The following BORCS5 variants were observed in gnomAD, a reference collection of about 807,000 sequenced individuals.
The protein encoded by BORCS5 is BLOC-1-related complex subunit 5.
Under a neutral mutation model 22.1 loss-of-function variants are expected in BORCS5, and 17 were observed. The ratio of observed to expected loss-of-function variants is 0.77; its 90% CI spans 0.53 to 1.15. The LOEUF (loss-of-function observed/expected upper bound fraction) is 1.15. Among genes scored for constraint, BORCS5 ranks in the 50% most tolerant of loss-of-function variants. The pLI, the probability that BORCS5 is intolerant of heterozygous loss-of-function variation, is 0.00. For synonymous variants in BORCS5, 117 were observed against 99.8 expected (o/e 1.17, Z -1.03); for missense variants, 247 against 253.2 (o/e 0.98, Z 0.17).
chr12:12,420,380 G>C (rs1212344789), intron 2 of BORCS5, among the ~76,000 whole-genome samples: 1 of 152,052 alleles, frequency 6.6e-6, no homozygotes, highest in Non-Finnish European at 1.5e-5. Flanking sequence ...ATTTCTGAGG[G>C]CTCTGTTCTG....
At position 12,394,937 on chromosome 12, in the gene BORCS5, A is replaced by G. The variant is rs531451372; in HGVS notation, c.202+33588A>G. On this transcript the variant is annotated intron_variant, in intron 2 of 3. Coordinates refer to ENST00000314565, the MANE Select transcript of BORCS5 (RefSeq NM_058169.6). ...TACAGAGAGGTTAGACAACTTGCTC[A>G]TCTTCCAAAAAGATTTAAACTCAGG... Among the ~76,000 whole-genome samples the G allele has an allele frequency of 2.0e-5, 3 of 152,234 alleles. No individual in the cohort carries two copies. The East Asian group carries it at 5.8e-4, about 29-fold the overall frequency.
At chr12:12,448,238 G>C (rs1379624593) in intron 3 of BORCS5, among the ~76,000 whole-genome samples, 2 of 152,004 alleles carry the variant, frequency 1.3e-5, no homozygotes, top group Non-Finnish European at 2.9e-5. Flanking sequence ...TTTTGAGATG[G>C]AGTTTTGCTC....
At chr12:12,413,470 A>G (rs1353538669) in intron 2 of BORCS5, among the ~76,000 whole-genome samples, 9 of 149,960 alleles carry the variant, frequency 6.0e-5, no homozygotes, top group Non-Finnish European at 1.3e-4. Context: ...AAAGTCTCCC[A>G]TGTCTACCTC....
rs926893487 is a variant in BORCS5 at position 12,373,981 on chromosome 12, C to CTTTTTTT, written c.202+12650_202+12656dup. Among the ~76,000 whole-genome samples, 58 of 89,786 alleles carry CTTTTTTT rather than the reference C, an allele frequency of 6.5e-4. 3 individuals are homozygous for CTTTTTTT. Among genetic ancestry groups the CTTTTTTT allele is most frequent in the African/African-American group, 2.2e-3 (45 of 20,154 alleles). The allele number at this position is 89,786 out of a possible 152,430, so 58.9% of individuals were successfully genotyped here. ...AGAAGGCAGGGTTGCAGAGAGTATT[C>CTTTTTTT]TTTTTTTTTTTTTTTTTTTTTTTTG... On this transcript the variant is annotated intron_variant, in intron 2 of 3. Coordinates refer to ENST00000314565, the MANE Select transcript of BORCS5 (RefSeq NM_058169.6).
rs1268766006 is a variant in BORCS5, at chr12:12,470,134, G to A, written c.*4358G>A. Among the ~76,000 whole-genome samples, 1 of 152,108 alleles carries A rather than the reference G, an allele frequency of 6.6e-6. No homozygotes were observed. Among genetic ancestry groups the A allele is most frequent in the African/African-American group, 2.4e-5 (1 of 41,414 alleles). ...TGCCCAGGCTGGAGTGCAGTGGCAC[G>A]ATCTCGGCTCACTGCAACCTCCGCC... On this transcript the variant is annotated 3_prime_UTR_variant, in exon 4 of 4. Coordinates refer to ENST00000314565, the MANE Select transcript of BORCS5 (RefSeq NM_058169.6).
chr12:12,373,927 T>A (rs1007509681), intron 2 of BORCS5, among the ~76,000 whole-genome samples: 3 of 151,294 alleles, frequency 2.0e-5, no homozygotes, highest in Non-Finnish European at 2.9e-5. Flanking sequence ...AGCTGAGCTT[T>A]GAGGGATGAA....
rs756685157 is a variant in BORCS5, at chr12:12,465,664, A to C, written c.479A>C (p.Gln160Pro). 1 of 1,614,280 alleles carries C rather than the reference A, an allele frequency of 6.2e-7. No individual in the cohort carries two copies. Among genetic ancestry groups the C allele is most frequent in the South Asian group, 1.1e-5 (1 of 91,090 alleles). ...ATGTCCGCCATCCTCCGCCGCATAC[A>C]GATGGGCATCGACCAGACTGTGCCC... The part of the protein sequence containing the change: ...NEMSAILRRI[Q>P]MGIDQTVPLL... The change falls in exon 4 of 4, where the codon CAG becomes CCG. Residue 160 changes from glutamine (Q) to proline (P), a missense_variant. Transcript: ENST00000314565.
intron 3 of BORCS5, among the ~76,000 whole-genome samples, chr12:12,464,719 T>C (rs185176151): frequency 2.6e-5 from 4 of 152,118 alleles, no homozygotes; most frequent in African/African-American, 9.6e-5. Context: ...AGAGCCTCTG[T>C]AAGGGGAAGA....
At position 12,404,409 on chromosome 12, in the gene BORCS5, A is replaced by G. The variant is rs1333547792; in HGVS notation, c.203-31219A>G. Among the ~76,000 whole-genome samples the G allele has an allele frequency of 3.3e-5, 5 of 152,098 alleles. No homozygotes were observed. The East Asian group carries it at 9.6e-4, about 29-fold the overall frequency. ...GCTGCGTCTTCTAGAGTGGATGAAC[A>G]CTCTGCCCTCAACTGGCAGAAGGAG... On this transcript the variant is annotated intron_variant, in intron 2 of 3. Coordinates refer to ENST00000314565, the MANE Select transcript of BORCS5 (RefSeq NM_058169.6).
intron 2 of BORCS5, among the ~76,000 whole-genome samples, chr12:12,428,069 T>A (rs1592118628): frequency 6.6e-6 from 1 of 152,258 alleles, no homozygotes; most frequent in East Asian, 1.9e-4. Context: ...ATTTAATTTC[T>A]ACTTCCTGGA....
At chr12:12,444,387 G>A (rs778071056) in intron 3 of BORCS5, among the ~76,000 whole-genome samples, 1 of 152,156 alleles carries the variant, frequency 6.6e-6, no homozygotes, top group East Asian at 1.9e-4. Flanking sequence ...CTTCTATCTT[G>A]TGGCTCTGCC....
intron 2 of BORCS5, among the ~76,000 whole-genome samples, chr12:12,364,364 A>G (rs553233256): frequency 7.3e-6 from 1 of 136,558 alleles, no homozygotes; most frequent in African/African-American, 2.6e-5. Context: ...TGACAGAGTG[A>G]GACTTGGTCT....
chr12:12,363,303 A>G (rs537048676), intron 2 of BORCS5, among the ~76,000 whole-genome samples: 1 of 148,366 alleles, frequency 6.7e-6, no homozygotes, highest in Non-Finnish European at 1.5e-5. Context: ...CCTCAAAAGA[A>G]AAAAAAAAAA....
At chr12:12,415,681 C>T (rs977186979) in intron 2 of BORCS5, among the ~76,000 whole-genome samples, 1 of 151,288 alleles carries the variant, frequency 6.6e-6, no homozygotes, top group African/African-American at 2.4e-5. Context: ...ATAAATCTCA[C>T]TTGGTCATGG....
chr12:12,448,639 C>T (rs1284969880), intron 3 of BORCS5, among the ~76,000 whole-genome samples: 2 of 151,988 alleles, frequency 1.3e-5, no homozygotes, highest in Admixed American at 6.6e-5. Flanking sequence ...AGCGATTCTC[C>T]TGCCTCAGCC....
At chr12:12,407,921 G>T (rs7300150) in intron 2 of BORCS5, among the ~76,000 whole-genome samples, 41,596 of 151,802 alleles carry the variant, frequency 0.27, 6,361 homozygotes, top group African/African-American at 0.43. Context: ...TGTTGCCCAG[G>T]CTGGTCTCAA....
At chr12:12,363,596 G>A (rs1592051894) in intron 2 of BORCS5, among the ~76,000 whole-genome samples, 1 of 152,186 alleles carries the variant, frequency 6.6e-6, no homozygotes, top group African/African-American at 2.4e-5. Flanking sequence ...AATTAGCCGG[G>A]TGTGGTGGCG....
At position 12,357,195 on chromosome 12, in the gene BORCS5, C is replaced by T. The variant is rs1031975607; in HGVS notation, c.-257C>T. 4 of 1,513,670 alleles carry T rather than the reference C, an allele frequency of 2.6e-6. No homozygotes were observed. The highest frequency in any genetic ancestry group is 1.2e-5 in the South Asian group (1 of 82,160). The allele number at this position is 1,513,670 out of a possible 1,614,324, so 93.8% of individuals were successfully genotyped here. On this transcript the variant is annotated 5_prime_UTR_variant, in exon 1 of 4. Transcript: ENST00000314565. ...CATCTGCCGGTTCTCTTAGGGCTCC[C>T]GGAAAGAAGGAGGGCTAGCCGCGTG...
In BORCS5 at chr12:12,357,426, C is replaced by T; in HGVS notation, c.-26C>T. The T allele has an allele frequency of 6.2e-7, 1 of 1,603,454 alleles. No individual in the cohort carries two copies. Among genetic ancestry groups the T allele is most frequent in the Non-Finnish European group, 8.5e-7 (1 of 1,172,356 alleles). On this transcript the variant is annotated 5_prime_UTR_variant, in exon 1 of 4. Transcript: ENST00000314565. Reference sequence around the variant, plus strand: ...AGCGGTGACCGCCCGGCCCGCCGTTCTTCTGCTGCCACCGCTGTCGGCACC... The same window carrying T: ...AGCGGTGACCGCCCGGCCCGCCGTTTTTCTGCTGCCACCGCTGTCGGCACC...
Sources: gnomAD v4.1 joint callset for allele counts (sites outside exome capture counted in the v4.1 genomes callset) on GRCh38, gnomAD v4.1.1 for gene constraint, MANE v1.5 for transcripts, NCBI Gene and HGNC (gene_info 2026-07-23, HGNC 2026-07-21) for gene names.